FGF6: variants seen among roughly 807,000 people sequenced by gnomAD.
The protein encoded by FGF6 is FGF-6.
A neutral mutation model predicts 18.4 loss-of-function variants in FGF6; 14 were observed. The observed-to-expected ratio is 0.76, with a 90% CI of 0.50 to 1.19. The LOEUF is 1.19. Among genes scored for constraint, FGF6 ranks in the 50% most tolerant of loss-of-function variants. The pLI is 0.00. For synonymous variants in FGF6, 125 were observed against 116.7 expected (o/e 1.07, Z -0.46); for missense variants, 266 against 271.6 (o/e 0.98, Z 0.15).
At chr12:4,434,513 A>C in intron 2 of FGF6, 122 bp from the exon 3 acceptor site, 1 of 878,268 alleles carries the variant, frequency 1.1e-6, no homozygotes, top group Non-Finnish European at 1.8e-6. Flanking sequence ...TTGTGAGACA[A>C]CCACCGTGAG....
At chr12:4,438,406 T>G (rs1325371554) in intron 2 of FGF6, among the ~76,000 whole-genome samples, 1 of 152,164 alleles carries the variant, frequency 6.6e-6, no homozygotes, top group African/African-American at 2.4e-5. Context: ...CTTACTGATA[T>G]ATTCCCACAC....
chr12:4,443,989 C>T, intron 2 of FGF6, 144 bp downstream of exon 2: 1 of 601,668 alleles, frequency 1.7e-6, no homozygotes. Flanking sequence ...GCTGCAAGGC[C>T]CCTCCCTTTC....
intron 2 of FGF6, among the ~76,000 whole-genome samples, chr12:4,442,071 G>A (rs1865698407): frequency 6.6e-6 from 1 of 152,088 alleles, no homozygotes; most frequent in Non-Finnish European, 1.5e-5. Context: ...GGTGAAGGTA[G>A]GAGGGGTGGG....
At chr12:4,443,494 A>G (rs1200636924) in intron 2 of FGF6, among the ~76,000 whole-genome samples, 1 of 152,210 alleles carries the variant, frequency 6.6e-6, no homozygotes, top group Admixed American at 6.5e-5. Flanking sequence ...TGTGCTTAGA[A>G]GCTGGTTGCA....
At chr12:4,439,053 C>T (rs1865657156) in intron 2 of FGF6, among the ~76,000 whole-genome samples, 1 of 152,136 alleles carries the variant, frequency 6.6e-6, no homozygotes, top group Non-Finnish European at 1.5e-5. Flanking sequence ...GGGAGGAACT[C>T]AGTGGCTTCA....
At chr12:4,438,103 A>G (rs938328616) in intron 2 of FGF6, among the ~76,000 whole-genome samples, 3 of 152,226 alleles carry the variant, frequency 2.0e-5, no homozygotes, top group African/African-American at 7.2e-5. Flanking sequence ...CATTTATAAA[A>G]CAGAAAATTC....
rs1399983761 is a variant in FGF6, at chr12:4,445,663, A to T, written c.-93T>A. The T allele has an allele frequency of 9.3e-7, 1 of 1,071,820 alleles. No individual in the cohort carries two copies. Among genetic ancestry groups the T allele is most frequent in the Non-Finnish European group, 1.3e-6 (1 of 764,320 alleles). 66.4% of individuals were successfully genotyped at this position (1,071,820 alleles called of 1,614,324 possible). A position where few individuals can be genotyped will look rare whatever the true frequency, so the allele number is the denominator to read the frequency against. On this transcript the variant is annotated 5_prime_UTR_variant, in exon 1 of 3. The change abolishes the stop of an existing upstream ORF in the 5' untranslated region. Transcript: ENST00000228837. The surrounding 1 kb of genome is among the most constrained non-coding windows in gnomAD (Gnocchi z 5.5). The stretch of plus-strand genomic sequence containing the variant: ...CCCTCCGGCATGGCGGCAGGGGCTT[A>T]TTTTTGGAAGGCAGATGAAGGCTGC...
intron 2 of FGF6, among the ~76,000 whole-genome samples, chr12:4,442,546 T>C (rs1280084919): frequency 6.6e-6 from 1 of 152,130 alleles, no homozygotes; most frequent in African/African-American, 2.4e-5. Flanking sequence ...CCCAGGAGAT[T>C]TACTTGCTAA....
At chr12:4,438,812 A>ATGATGGAATTCTATAAGCCT (rs1323772882) in intron 2 of FGF6, among the ~76,000 whole-genome samples, 2 of 151,268 alleles carry the variant, frequency 1.3e-5, no homozygotes, top group Non-Finnish European at 2.9e-5. Context: ...GTAGATCCAC[A>ATGATGGAATTCTATAAGCCT]TGATGGAATT....
intron 2 of FGF6, among the ~76,000 whole-genome samples, chr12:4,440,396 C>T (rs1257123221): frequency 6.6e-6 from 1 of 152,186 alleles, no homozygotes; most frequent in Non-Finnish European, 1.5e-5. Flanking sequence ...TAAACATCTT[C>T]ACCCTGTGAC....
chr12:4,435,195 C>T (rs922534880), intron 2 of FGF6, among the ~76,000 whole-genome samples: 1 of 152,090 alleles, frequency 6.6e-6, no homozygotes. Flanking sequence ...CATACCCGTG[C>T]GGGACCTGGG....
chr12:4,434,951 C>T (rs1177728247), intron 2 of FGF6, among the ~76,000 whole-genome samples: 4 of 152,010 alleles, frequency 2.6e-5, no homozygotes, highest in Non-Finnish European at 4.4e-5. Flanking sequence ...AGGAGAGAGG[C>T]GGTTGGTGGA....
intron 2 of FGF6, among the ~76,000 whole-genome samples, chr12:4,439,448 A>G (rs1865662797): frequency 6.6e-6 from 1 of 152,166 alleles, no homozygotes; most frequent in African/African-American, 2.4e-5. Context: ...AGTGGGAGGA[A>G]CTGAGTGACT....
Position 4,445,586 on chromosome 12 carries a change from G to T in FGF6, c.-16C>A, listed in dbSNP as rs759862964. 2.1e-5 allele frequency: 32 copies of T among 1,559,788 alleles called. No homozygotes were observed. The highest frequency in any genetic ancestry group is 2.8e-5 in the Non-Finnish European group (32 of 1,150,804). On this transcript the variant is annotated 5_prime_UTR_variant, in exon 1 of 3. It adds an upstream start codon to the 5' untranslated region. Coordinates refer to ENST00000228837, the MANE Select transcript of FGF6 (RefSeq NM_020996.3). The surrounding 1 kb of genome is among the most constrained non-coding windows in gnomAD (Gnocchi z 5.5). ...CCAGGGCCATCCACCTTGCCTCTCAGGCACGTGGTCAGAATTAATGGCCCT... is the reference window on the plus strand; with the variant it reads ...CCAGGGCCATCCACCTTGCCTCTCATGCACGTGGTCAGAATTAATGGCCCT...
In FGF6 at chr12:4,434,237, G is replaced by C. The variant is rs771816989; in HGVS notation, c.605C>G (p.Thr202Ser). The C allele has an allele frequency of 1.2e-6, 2 of 1,614,156 alleles. No homozygotes were observed. The highest frequency in any genetic ancestry group is 2.2e-5 in the South Asian group (2 of 91,078). Residue 202 changes from threonine to serine, a missense_variant, in exon 3 of 3, where the codon ACT (threonine) becomes AGT (serine). Physicochemically the swap from Thr to Ser is moderately conservative, Grantham distance 58. Transcript: ENST00000228837. ...TCCTTAGATCCTGGGAAGGAAATGAGTGACAGTCATGATCGGGGACACCTT... is the reference window on the plus strand; with the variant it reads ...TCCTTAGATCCTGGGAAGGAAATGACTGACAGTCATGATCGGGGACACCTT... ...GSKVSPIMTV[T>S]HFLPRI
chr12:4,444,018 C>T (rs2241281), intron 2 of FGF6, 115 bp downstream of exon 2: 97,615 of 685,172 alleles, frequency 0.14, 10,493 homozygotes, highest in East Asian at 0.35. Context: ...CTCTCACAGC[C>T]TTTCCTTTCC....
Position 4,445,044 on chromosome 12 carries a change from C to T in FGF6, c.346+181G>A, listed in dbSNP as rs1865740641. On this transcript the variant is annotated intron_variant, in intron 1 of 2. Coordinates refer to ENST00000228837, the MANE Select transcript of FGF6 (RefSeq NM_020996.3). The surrounding 1 kb of genome is among the most constrained non-coding windows in gnomAD (Gnocchi z 5.5). ...GGCGATGGCAAAGAACACCAGGATG[C>T]TTGGACCGCAGTATATTGAGCTTGC... Among the ~76,000 whole-genome samples the T allele has an allele frequency of 6.6e-6, 1 of 152,178 alleles. No homozygotes were observed. The highest frequency in any genetic ancestry group is 2.1e-4 in the South Asian group (1 of 4,826).
intron 2 of FGF6, among the ~76,000 whole-genome samples, chr12:4,439,345 T>G (rs1225895834): frequency 6.6e-6 from 1 of 152,180 alleles, no homozygotes; most frequent in Non-Finnish European, 1.5e-5. Context: ...CCAGAGAATT[T>G]ATTTCTGATC....
At chr12:4,436,284 T>G (rs1236384950) in intron 2 of FGF6, among the ~76,000 whole-genome samples, 2 of 152,162 alleles carry the variant, frequency 1.3e-5, no homozygotes, top group South Asian at 2.1e-4. Context: ...AGATGAGGAC[T>G]GTGTCTTGCT....
Sources: gnomAD v4.1 joint callset for allele counts (sites outside exome capture counted in the v4.1 genomes callset) on GRCh38, gnomAD v4.1.1 for gene constraint, Gnocchi (gnomAD v3.1) non-coding constraint, MANE v1.5 for transcripts, NCBI Gene and HGNC (gene_info 2026-07-23, HGNC 2026-07-21) for gene names.